TTC8: variants seen among roughly 807,000 people sequenced by gnomAD.
TTC8 encodes the protein tetratricopeptide repeat domain 8, also known as tetratricopeptide repeat protein 8.
In TTC8, 47 loss-of-function variants were observed where a neutral mutation model predicts 72.5. The observed-to-expected ratio is 0.65, with a 90% CI of 0.51 to 0.83. The LOEUF (loss-of-function observed/expected upper bound fraction) is 0.83. Ranked by LOEUF, TTC8 falls within the 40% of genes least tolerant of loss-of-function variation. The pLI, the probability that TTC8 is intolerant of heterozygous loss-of-function variation, is 0.00. For synonymous variants in TTC8, 199 were observed against 221.4 expected (o/e 0.90, Z 0.90); for missense variants, 611 against 623.2 (o/e 0.98, Z 0.21).
intron 2 of TTC8, among the ~76,000 whole-genome samples, chr14:88,837,833 A>G (rs566593969): frequency 6.6e-6 from 1 of 152,132 alleles, no homozygotes; most frequent in South Asian, 2.1e-4. Context: ...TTTTTTTTCT[A>G]TACTTTGTTG....
At chr14:88,843,267 C>T (rs951921825) in intron 6 of TTC8, among the ~76,000 whole-genome samples, 3 of 152,176 alleles carry the variant, frequency 2.0e-5, no homozygotes, top group Non-Finnish European at 2.9e-5. Flanking sequence ...ATATGTGCCC[C>T]ACCGCCAGGT....
chr14:88,861,105 A>G, intron 9 of TTC8, 117 bp from the exon 10 acceptor site: 1 of 842,890 alleles, frequency 1.2e-6, no homozygotes, highest in Non-Finnish European at 1.9e-6. Context: ...CACCCGGCTA[A>G]AAATTCTTTA....
At chr14:88,880,977 A>G (rs138439389), downstream of TTC8, 12 of 152,342 alleles carry the variant, frequency 7.9e-5, no homozygotes, top group East Asian at 2.1e-3. Context: ...TGAAATGTTT[A>G]TTATATATGA....
At chr14:88,876,354 T>C (rs76123553) in intron 14 of TTC8, among the ~76,000 whole-genome samples, 2 of 152,358 alleles carry the variant, frequency 1.3e-5, no homozygotes, top group East Asian at 3.9e-4. Context: ...AATACGTATG[T>C]ATTGTTACCA....
chr14:88,867,704 C>T (rs966322276), intron 10 of TTC8, among the ~76,000 whole-genome samples: 7 of 152,114 alleles, frequency 4.6e-5, no homozygotes, highest in African/African-American at 1.2e-4. Flanking sequence ...TAAAATTCCT[C>T]GAGATTACAT....
intron 1 of TTC8, chr14:88,830,751 C>T (rs1056790030): frequency 4.4e-5 from 19 of 428,454 alleles, no homozygotes; most frequent in African/African-American, 1.4e-4. Flanking sequence ...TGAAGCTGCA[C>T]GGGTGGATTA....
intron 10 of TTC8, among the ~76,000 whole-genome samples, chr14:88,869,760 G>A (rs1401977649): frequency 3.3e-5 from 5 of 151,882 alleles, no homozygotes; most frequent in South Asian, 4.2e-4. Context: ...GGCCCCTTCC[G>A]CCACCCCTTC....
rs1345445074 is a variant in TTC8, at chr14:88,871,083, G to A, written c.1050-466G>A. ...TTGTCTTCCTCAGTGGAAGCTCATT[G>A]GAGTTCAGTAGACACAGCTGAAGCA... On this transcript the variant is annotated intron_variant, in intron 11 of 14. Coordinates refer to ENST00000380656, the MANE Select transcript of TTC8 (RefSeq NM_144596.4). This position sits in a 1 kb window ranked among gnomAD's most constrained non-coding sequence, Gnocchi z 4.1. 6.6e-6 allele frequency among the ~76,000 whole-genome samples: 1 copy of A among 152,232 alleles called. No individual in the cohort carries two copies. Among genetic ancestry groups the A allele is most frequent in the Non-Finnish European group, 1.5e-5 (1 of 68,040 alleles).
chr14:88,868,263 G>A (rs2094919646), intron 10 of TTC8, among the ~76,000 whole-genome samples: 1 of 152,108 alleles, frequency 6.6e-6, no homozygotes, highest in Non-Finnish European at 1.5e-5. Flanking sequence ...ACATGTAATA[G>A]GTTTATTTTG....
chr14:88,851,336 A>T (rs2094832770), intron 7 of TTC8, among the ~76,000 whole-genome samples: 1 of 152,112 alleles, frequency 6.6e-6, no homozygotes, highest in Non-Finnish European at 1.5e-5. Flanking sequence ...CCTTAATTGG[A>T]TTAGCACAAA....
rs142339358 is a variant in TTC8, at chr14:88,844,350, A to C, written c.624+500A>C. ...AAAGTTATATGCGTATGACTTCTCA[A>C]ATTGTTTTGATTTTTGCATACTTAT... is the stretch of plus-strand genomic sequence containing the variant. On this transcript the variant is annotated intron_variant, in intron 7 of 14. Transcript: ENST00000380656. Among the ~76,000 whole-genome samples the C allele has an allele frequency of 3.2e-3, 482 of 152,278 alleles. 3 individuals carry two copies. The highest frequency in any genetic ancestry group is 8.9e-3 in the South Asian group (43 of 4,828).
downstream of TTC8, chr14:88,879,315 G>A (rs1379677977): frequency 1.3e-5 from 2 of 152,118 alleles, no homozygotes; most frequent in African/African-American, 4.8e-5. Flanking sequence ...CATTTCTGTA[G>A]AAAGAACACA....
intron 8 of TTC8, 123 bp from the exon 9 acceptor site, chr14:88,857,067 A>C (rs1439150277): frequency 1.2e-6 from 1 of 842,534 alleles, no homozygotes; most frequent in Non-Finnish European, 2.0e-6. Context: ...ATTTATGTGT[A>C]TGTGCAACAT....
intron 2 of TTC8, 141 bp downstream of exon 2, chr14:88,833,863 C>T: frequency 1.4e-6 from 1 of 728,976 alleles, no homozygotes; most frequent in East Asian, 2.7e-5. Flanking sequence ...CATTCTGTGC[C>T]TTCTTATGTA....
intron 10 of TTC8, among the ~76,000 whole-genome samples, chr14:88,864,957 G>A (rs914594271): frequency 6.6e-6 from 1 of 152,128 alleles, no homozygotes; most frequent in Non-Finnish European, 1.5e-5. Flanking sequence ...ATTCCTTTAT[G>A]TTCTCTTCTT....
chr14:88,843,924 C>A, intron 7 of TTC8, 74 bp downstream of exon 7: 1 of 1,052,000 alleles, frequency 9.5e-7, no homozygotes, highest in South Asian at 1.4e-5. Context: ...CTGAAATATT[C>A]TATTTCTGAC....
At chr14:88,842,201 C>A (rs1048334336) in intron 6 of TTC8, among the ~76,000 whole-genome samples, 1 of 152,204 alleles carries the variant, frequency 6.6e-6, no homozygotes, top group African/African-American at 2.4e-5. Flanking sequence ...CTTCCAGAAA[C>A]TAATTTAAGC....
At chr14:88,825,738 G>C (rs991492070) in intron 1 of TTC8, among the ~76,000 whole-genome samples, 1 of 152,152 alleles carries the variant, frequency 6.6e-6, no homozygotes, top group Non-Finnish European at 1.5e-5. Context: ...AAATTGAAGG[G>C]AGTTACAAAA....
intron 12 of TTC8, among the ~76,000 whole-genome samples, chr14:88,872,126 CG>C (rs1359522766): frequency 6.6e-6 from 1 of 152,082 alleles, no homozygotes; most frequent in African/African-American, 2.4e-5. Flanking sequence ...AGTAGTCTTA[CG>C]GGGCAATTTA....
Sources: gnomAD v4.1 joint callset for allele counts (sites outside exome capture counted in the v4.1 genomes callset) on GRCh38, gnomAD v4.1.1 for gene constraint, Gnocchi (gnomAD v3.1) non-coding constraint, MANE v1.5 for transcripts, NCBI Gene and HGNC (gene_info 2026-07-23, HGNC 2026-07-21) for gene names.